Variants in OR8S1 observed in about 807,000 individuals in gnomAD.
OR8S1 encodes the protein olfactory receptor 8S1.
For synonymous variants in OR8S1, 150 were observed against 151.4 expected (o/e 0.99, Z 0.07); for missense variants, 362 against 372.1 (o/e 0.97, Z 0.22).
chr12:48,525,970 C>T (rs374558433), exon 1 of OR8S1: 3 of 1,614,182 alleles, frequency 1.9e-6, no homozygotes, highest in Non-Finnish European at 2.5e-6. Context: ...CTGAAGCCTG[C>T]CTTCTCTCAG....
At chr12:48,525,912 T>C (rs1484830959) in exon 1 of OR8S1, 1 of 1,614,100 alleles carries the variant, frequency 6.2e-7, no homozygotes, top group African/African-American at 1.3e-5. Context: ...ACCATTTCAG[T>C]AGAGGGCTGC....
exon 1 of OR8S1, chr12:48,526,555 A>G (rs577709335): frequency 3.6e-4 from 554 of 1,559,482 alleles, no homozygotes; most frequent in Middle Eastern, 1.5e-3. Context: ...AATATTTGCA[A>G]TATACCAGAC....
At chr12:48,526,283 T>A (rs1565580443) in exon 1 of OR8S1, 10 of 1,614,132 alleles carry the variant, frequency 6.2e-6, no homozygotes, top group Non-Finnish European at 8.5e-6. Flanking sequence ...CTTCTTATCC[T>A]ACACCCGTAT....
chr12:48,526,356 C>G, exon 1 of OR8S1: 1 of 1,614,190 alleles, frequency 6.2e-7, no homozygotes, highest in Non-Finnish European at 8.5e-7. Flanking sequence ...TCCACCTGCT[C>G]TGCCCACCTC....
At chr12:48,526,483 T>C (rs988542954) in exon 1 of OR8S1, 10 of 1,610,844 alleles carry the variant, frequency 6.2e-6, no homozygotes, top group Admixed American at 5.0e-5. Context: ...CCATGCTGAA[T>C]TCCCTCATCT....
exon 1 of OR8S1, chr12:48,526,451 G>A (rs373175530): frequency 6.2e-6 from 10 of 1,613,230 alleles, no homozygotes; most frequent in Non-Finnish European, 7.6e-6. Flanking sequence ...GATCTTCTCT[G>A]TGCAGTATAC....
exon 1 of OR8S1, chr12:48,526,204 T>C (rs766701160): frequency 6.2e-7 from 1 of 1,614,160 alleles, no homozygotes; most frequent in Non-Finnish European, 8.5e-7. Flanking sequence ...CCTGCTCTGA[T>C]ATCTCCAGAA....
chr12:48,525,837 T>C (rs111573391), exon 1 of OR8S1: 2 of 1,614,186 alleles, frequency 1.2e-6, no homozygotes, highest in East Asian at 2.2e-5. Flanking sequence ...CTCTCTTTTG[T>C]TGATCTCTGC....
At chr12:48,525,996 G>A (rs1435392519) in exon 1 of OR8S1, 8 of 1,614,154 alleles carry the variant, frequency 5.0e-6, no homozygotes, top group South Asian at 1.1e-5. Flanking sequence ...GCCTATGACC[G>A]CCATGCTGCC....
Position 48,526,170 on chromosome 12 carries a change from A to G in OR8S1, c.539A>G (p.Glu180Gly), listed in dbSNP as rs367990073. The G allele has an allele frequency of 5.6e-6, 9 of 1,613,996 alleles. No individual in the cohort carries two copies. In the African/African-American group the frequency reaches 1.2e-4, roughly 22 times the overall value. Reference sequence around the variant, plus strand: ...AAAATCATTCACCACTACAGCTATGAGATGCCATCCCTCCTCCCTCTGTCC... The same window carrying G: ...AAAATCATTCACCACTACAGCTATGGGATGCCATCCCTCCTCCCTCTGTCC... The change falls in exon 1 of 1, where the codon GAG becomes GGG. Residue 180 changes from glutamate (E) to glycine (G), a missense_variant. By Grantham distance (98) the Glu-to-Gly change is moderately conservative. Coordinates refer to ENST00000641651, the Ensembl canonical transcript of OR8S1.
exon 1 of OR8S1, chr12:48,525,902 A>G: frequency 6.2e-7 from 1 of 1,614,098 alleles, no homozygotes; most frequent in Non-Finnish European, 8.5e-7. Flanking sequence ...ACAGAGGAAA[A>G]CCATTTCAGT....
rs557322319 is a variant in OR8S1 at position 48,526,149 on chromosome 12, T to A, written c.518T>A (p.Ile173Asn). 7.4e-6 allele frequency: 12 copies of A among 1,614,158 alleles called. No homozygotes were observed. In the East Asian group the frequency reaches 2.7e-4, roughly 36 times the overall value. ...AACATGGTCTTTTGTGAAGCCAAAA[T>A]CATTCACCACTACAGCTATGAGATG... The change falls in exon 1 of 1, where the codon ATC becomes AAC. Residue 173 changes from isoleucine to asparagine, a missense_variant. Transcript: ENST00000641651.
rs150212885 is a variant in OR8S1 at position 48,526,436 on chromosome 12, G to A, written c.805G>A (p.Glu269Lys). The A allele has an allele frequency of 7.4e-6, 12 of 1,613,914 alleles. No individual in the cohort carries two copies. In the African/African-American group the frequency reaches 1.6e-4, roughly 22 times the overall value. Reference sequence around the variant, plus strand: ...CATGCCAAACTCAGGTTCCCCCATAGAGTTGATCTTCTCTGTGCAGTATAC... The same window carrying A: ...CATGCCAAACTCAGGTTCCCCCATAAAGTTGATCTTCTCTGTGCAGTATAC... Residue 269 changes from glutamate to lysine, a missense_variant, in exon 1 of 1, where the codon GAG becomes AAG. Transcript: ENST00000641651.
At position 48,525,850 on chromosome 12, in the gene OR8S1, C is replaced by T. The variant is rs768759074; in HGVS notation, c.219C>T (p.Phe73=). The T allele has an allele frequency of 3.0e-5, 49 of 1,614,168 alleles. No individual in the cohort carries two copies. In the South Asian group the frequency reaches 4.8e-4, roughly 16 times the overall value. The stretch of plus-strand genomic sequence containing the variant: ...ACCTCTCTTTTGTTGATCTCTGCTT[C>T]TCTTCAGTCATTGTGCCCAAGATGC... The change falls in exon 1 of 1, where the codon TTC becomes TTT. Residue 73 remains phenylalanine (F), a synonymous_variant. Coordinates refer to ENST00000641651, the Ensembl canonical transcript of OR8S1.
At chr12:48,526,150 C>A (rs776605118) in exon 1 of OR8S1, 1 of 1,614,190 alleles carries the variant, frequency 6.2e-7, no homozygotes, top group Admixed American at 1.7e-5. Context: ...AAGCCAAAAT[C>A]ATTCACCACT....
At chr12:48,526,040 G>A (rs748738706) in exon 1 of OR8S1, 1 of 1,614,150 alleles carries the variant, frequency 6.2e-7, no homozygotes, top group South Asian at 1.1e-5. Context: ...ACAGATCATG[G>A]GTAAACAGCT....
chr12:48,526,175 C>T, exon 1 of OR8S1: 8 of 1,614,072 alleles, frequency 5.0e-6, no homozygotes, highest in Non-Finnish European at 5.9e-6. Context: ...CTATGAGATG[C>T]CATCCCTCCT....
At chr12:48,526,019 C>T in exon 1 of OR8S1, 1 of 1,614,210 alleles carries the variant, frequency 6.2e-7, no homozygotes, top group Non-Finnish European at 8.5e-7. Flanking sequence ...CTGCCGCCCA[C>T]TACTTTATGG....
At chr12:48,526,148 A>C (rs746712293) in exon 1 of OR8S1, 3 of 1,614,116 alleles carry the variant, frequency 1.9e-6, no homozygotes, top group African/African-American at 1.3e-5. Context: ...TGAAGCCAAA[A>C]TCATTCACCA....
Sources: allele counts gnomAD v4.1 joint callset, GRCh38; gene constraint gnomAD v4.1.1; transcripts MANE v1.5; gene names NCBI Gene and HGNC (gene_info 2026-07-23, HGNC 2026-07-21).